Variants in THSD7B observed in about 807,000 individuals in gnomAD.
The protein encoded by THSD7B is thrombospondin type 1 domain containing 7B.
In THSD7B, 138 loss-of-function variants were observed where a neutral mutation model predicts 213.6. The observed-to-expected ratio is 0.65, with a 90% CI of 0.56 to 0.74. The LOEUF (loss-of-function observed/expected upper bound fraction) is 0.74, where lower values mean the gene tolerates loss of function less well. Among genes scored for constraint, THSD7B ranks in the 30% least tolerant of loss-of-function variants. The pLI is 0.00. For missense variants in THSD7B, 1,931 were observed against 1,991.5 expected, an observed-to-expected ratio of 0.97 and a Z score of 0.58; for synonymous variants, 742 against 687.0, an observed-to-expected ratio of 1.08 and a Z score of -1.25.
At chr2:137,081,637 G>A (rs1029789783) in intron 3 of THSD7B, among the ~76,000 whole-genome samples, 2 of 152,088 alleles carry the variant, frequency 1.3e-5, no homozygotes, top group Non-Finnish European at 2.9e-5. Flanking sequence ...GATTTTGAGG[G>A]TATTTACTGC....
chr2:136,879,076 C>T (rs1420098538), intron 1 of THSD7B, among the ~76,000 whole-genome samples: 2 of 152,114 alleles, frequency 1.3e-5, no homozygotes, highest in African/African-American at 4.8e-5. Context: ...TTTAATCCAT[C>T]TTGAATTGAT....
At chr2:137,107,998 A>G (rs1272183946) in intron 4 of THSD7B, among the ~76,000 whole-genome samples, 1 of 152,220 alleles carries the variant, frequency 6.6e-6, no homozygotes, top group African/African-American at 2.4e-5. Context: ...CTTTAAAAGG[A>G]CAACAGACAT....
At chr2:137,223,430 CAG>C (rs1681417873) in intron 7 of THSD7B, among the ~76,000 whole-genome samples, 1 of 152,090 alleles carries the variant, frequency 6.6e-6, no homozygotes, top group South Asian at 2.1e-4. Flanking sequence ...AGAAAAGAGA[CAG>C]AGGAGAAACA....
intron 2 of THSD7B, among the ~76,000 whole-genome samples, chr2:137,043,310 T>C (rs1392630925): frequency 6.6e-6 from 1 of 152,178 alleles, no homozygotes; most frequent in African/African-American, 2.4e-5. Context: ...GGTCACTGCT[T>C]AGAGGGCTCT....
intron 12 of THSD7B, among the ~76,000 whole-genome samples, chr2:137,399,431 G>A (rs1300889301): frequency 2.0e-5 from 3 of 152,064 alleles, no homozygotes; most frequent in African/African-American, 4.8e-5. Context: ...GACCTTGAAT[G>A]ATCTCCCAGC....
chr2:137,062,079 G>C (rs923612373), intron 3 of THSD7B, among the ~76,000 whole-genome samples: 3 of 151,686 alleles, frequency 2.0e-5, no homozygotes, highest in Non-Finnish European at 3.0e-5. Flanking sequence ...GCTAGATTTT[G>C]TCTTTCAAGG....
chr2:137,659,611 T>C, intron 24 of THSD7B, 53 bp from the exon 25 acceptor site: 1 of 1,500,250 alleles, frequency 6.7e-7, no homozygotes, highest in Admixed American at 2.4e-5. Context: ...TACCAAAAAA[T>C]TAGAAATATC....
At chr2:137,502,341 T>A (rs1679729138) in intron 15 of THSD7B, among the ~76,000 whole-genome samples, 1 of 152,086 alleles carries the variant, frequency 6.6e-6, no homozygotes, top group African/African-American at 2.4e-5. Flanking sequence ...TGTGTATATA[T>A]GTATGTTTGT....
intron 9 of THSD7B, among the ~76,000 whole-genome samples, chr2:137,240,247 C>G (rs185974955): frequency 1.4e-3 from 214 of 152,280 alleles, no homozygotes; most frequent in African/African-American, 5.0e-3. Context: ...CTCTCTGTGA[C>G]CAGAATGATG....
intron 14 of THSD7B, among the ~76,000 whole-genome samples, chr2:137,431,012 A>G (rs1465595230): frequency 2.0e-5 from 3 of 152,104 alleles, no homozygotes; most frequent in African/African-American, 7.2e-5. Flanking sequence ...AAAGAGTCAA[A>G]CTCTATAAAA....
chr2:137,309,931 A>C (rs565316587), intron 12 of THSD7B, among the ~76,000 whole-genome samples: 46 of 152,066 alleles, frequency 3.0e-4, no homozygotes, highest in African/African-American at 1.0e-3. Flanking sequence ...GTTGGTTCCA[A>C]GTCTTTGCTA....
At chr2:137,554,252 A>G (rs771980540) in intron 15 of THSD7B, among the ~76,000 whole-genome samples, 4 of 152,162 alleles carry the variant, frequency 2.6e-5, no homozygotes, top group Non-Finnish European at 4.4e-5. Flanking sequence ...TGTCCCTTCA[A>G]TAATTGTTTC....
intron 12 of THSD7B, among the ~76,000 whole-genome samples, chr2:137,334,354 A>AG (rs1406802270): frequency 6.6e-6 from 1 of 152,140 alleles, no homozygotes; most frequent in Non-Finnish European, 1.5e-5. Context: ...TGAACTCCAC[A>AG]GGAGTGAGAA....
At chr2:137,063,721 A>G (rs1446682987) in intron 3 of THSD7B, among the ~76,000 whole-genome samples, 1 of 152,034 alleles carries the variant, frequency 6.6e-6, no homozygotes, top group African/African-American at 2.4e-5. Flanking sequence ...CTCTAGCTCC[A>G]TGAGTTCAAT....
chr2:137,075,313 C>T (rs1464741086), intron 3 of THSD7B, among the ~76,000 whole-genome samples: 2 of 152,172 alleles, frequency 1.3e-5, no homozygotes, highest in East Asian at 1.9e-4. Context: ...CTAAACTTCT[C>T]TTCTCACTTC....
chr2:137,490,253 A>C (rs1282362198), intron 15 of THSD7B, among the ~76,000 whole-genome samples: 1 of 152,170 alleles, frequency 6.6e-6, no homozygotes, highest in Non-Finnish European at 1.5e-5. Flanking sequence ...GTGACTCTTC[A>C]GAACTTTCTT....
At chr2:137,259,522 T>C (rs1478850734) in intron 10 of THSD7B, among the ~76,000 whole-genome samples, 1 of 152,232 alleles carries the variant, frequency 6.6e-6, no homozygotes, top group African/African-American at 2.4e-5. Flanking sequence ...TGCCCACTTT[T>C]TGACGGGGTT....
intron 2 of THSD7B, among the ~76,000 whole-genome samples, chr2:137,017,175 A>G (rs1686356600): frequency 6.6e-6 from 1 of 152,038 alleles, no homozygotes; most frequent in African/African-American, 2.4e-5. Flanking sequence ...ACTGTGGATG[A>G]GGGATTGTGG....
At chr2:136,990,108 C>T (rs186633891) in intron 2 of THSD7B, among the ~76,000 whole-genome samples, 2 of 152,334 alleles carry the variant, frequency 1.3e-5, no homozygotes, top group East Asian at 3.9e-4. Context: ...GCAATTTTCT[C>T]ATTTAAGAAC....
Sources: allele counts gnomAD v4.1 joint callset (sites outside exome capture counted in the v4.1 genomes callset), GRCh38; gene constraint gnomAD v4.1.1; transcripts MANE v1.5; gene names NCBI Gene and HGNC (gene_info 2026-07-23, HGNC 2026-07-21).